The following TSPAN7 variants were observed in gnomAD, a reference collection of about 807,000 sequenced individuals.
The protein encoded by TSPAN7 is tetraspanin-7.
A neutral mutation model predicts 17.6 loss-of-function variants in TSPAN7; 1 was observed. The observed-to-expected ratio is 0.06, with a 90% confidence interval of 0.02 to 0.27. The LOEUF (loss-of-function observed/expected upper bound fraction) is 0.27. TSPAN7 is among the 10% of genes least tolerant of loss of function. The pLI, the probability that TSPAN7 is intolerant of heterozygous loss-of-function variation, is 1.00. For synonymous variants in TSPAN7, 78 were observed against 79.0 expected, an observed-to-expected ratio of 0.99 and a Z score of 0.07; for missense variants, 112 against 201.7, an observed-to-expected ratio of 0.56 and a Z score of 2.69.
intron 1 of TSPAN7, among the ~76,000 whole-genome samples, chrX:38,598,211 T>C (rs749084497): frequency 9.0e-6 from 1 of 111,530 alleles, no homozygotes; most frequent in Non-Finnish European, 1.9e-5. Flanking sequence ...TAACTGTTCT[T>C]ACCCATAGCC....
At position 38,687,547 on chromosome X, in the gene TSPAN7, G is replaced by A. The variant is rs941443169; in HGVS notation, c.682-52G>A. Reference sequence around the variant, plus strand: ...AAATTATTAATTAAATATTAAAAGGGTGTGGTTCGGTGACTTGAGATTCTC... The same window carrying A: ...AAATTATTAATTAAATATTAAAAGGATGTGGTTCGGTGACTTGAGATTCTC... On this transcript the variant is annotated intron_variant, in intron 6 of 7. Transcript: ENST00000378482. 2.6e-5 allele frequency: 28 copies of A among 1,071,613 alleles called. No homozygotes were observed. The African/African-American group carries it at 3.8e-4, about 15-fold the overall frequency. The allele number at this position is 1,071,613 out of a possible 1,213,427, so 88.3% of individuals were successfully genotyped here.
At chrX:38,569,777 T>C (rs1464516612) in intron 1 of TSPAN7, among the ~76,000 whole-genome samples, 1 of 111,433 alleles carries the variant, frequency 9.0e-6, no homozygotes, top group Non-Finnish European at 1.9e-5. Flanking sequence ...TTTTGGGAGA[T>C]AGCCAGGGTA....
intron 1 of TSPAN7, among the ~76,000 whole-genome samples, chrX:38,610,510 G>A (rs1279136761): frequency 3.6e-5 from 4 of 111,471 alleles, no homozygotes; most frequent in African/African-American, 1.3e-4. Context: ...ATCACCTGGG[G>A]AGCTTTCCAA....
chrX:38,685,267 T>C (rs1043433901), intron 6 of TSPAN7, among the ~76,000 whole-genome samples: 5 of 111,668 alleles, frequency 4.5e-5, no homozygotes, highest in Non-Finnish European at 9.4e-5. Context: ...TAACCTCTCA[T>C]AACCCTCAGT....
intron 1 of TSPAN7, among the ~76,000 whole-genome samples, chrX:38,644,101 C>T (rs188636623): frequency 4.1e-4 from 46 of 111,693 alleles, no homozygotes; most frequent in African/African-American, 1.5e-3. Context: ...CCCAAACTCC[C>T]TCTTCTTCTC....
chrX:38,561,555 G>C lies in TSPAN7; in HGVS notation c.9G>C (p.Ser3=), dbSNP rs758032272. 2.5e-6 allele frequency: 3 copies of C among 1,196,130 alleles called. No individual in the cohort carries two copies. The highest frequency in any genetic ancestry group is 2.3e-6 in the Non-Finnish European group (2 of 886,676). MA[S]RRMETKPVIT... ...CGCCGGAGCTCTGTAGTATGGCATC[G>C]AGGAGAATGGAGACCAAACCTGTGA... The change falls in exon 1 of 8, where the codon TCG becomes TCC. Residue 3 remains serine (S), a synonymous_variant. Transcript: ENST00000378482.
chrX:38,627,740 T>A (rs1299575339), intron 1 of TSPAN7, among the ~76,000 whole-genome samples: 1 of 113,089 alleles, frequency 8.8e-6, no homozygotes, highest in Non-Finnish European at 1.9e-5. Flanking sequence ...TTATCTCTAG[T>A]ATACTTTCAA....
chrX:38,604,504 T>C (rs2069365933), intron 1 of TSPAN7, among the ~76,000 whole-genome samples: 1 of 110,898 alleles, frequency 9.0e-6, no homozygotes, highest in South Asian at 3.8e-4. Context: ...GTAAAAGTGT[T>C]CCTATTTCTC....
At chrX:38,658,097 C>CTATTT (rs1379875942) in intron 1 of TSPAN7, among the ~76,000 whole-genome samples, 16 of 67,874 alleles carry the variant, frequency 2.4e-4, no homozygotes, top group Non-Finnish European at 1.4e-4. Context: ...TCTCAGTGGG[C>CTATTT]TGTACTGGGT....
intron 1 of TSPAN7, among the ~76,000 whole-genome samples, chrX:38,635,814 C>G (rs1160776686): frequency 9.0e-6 from 1 of 111,354 alleles, no homozygotes; most frequent in Non-Finnish European, 1.9e-5. Context: ...GACTCAAACG[C>G]AACTCTGTCT....
intron 1 of TSPAN7, among the ~76,000 whole-genome samples, chrX:38,596,827 T>C (rs745961101): frequency 1.5e-4 from 17 of 111,676 alleles, no homozygotes; most frequent in Admixed American, 1.5e-3. Flanking sequence ...TTTTCATTCT[T>C]TTTTTCTGAA....
At chrX:38,680,575 C>T (rs1185856407) in intron 5 of TSPAN7, among the ~76,000 whole-genome samples, 1 of 106,528 alleles carries the variant, frequency 9.4e-6, no homozygotes, top group African/African-American at 3.5e-5. Context: ...CTCTCTCTCT[C>T]TCTCTCTCTG....
intron 1 of TSPAN7, among the ~76,000 whole-genome samples, chrX:38,621,798 C>G (rs1271988351): frequency 8.9e-6 from 1 of 112,171 alleles, no homozygotes; most frequent in Non-Finnish European, 1.9e-5. Context: ...TAATTGCTGT[C>G]ACTTGCGTTT....
chrX:38,668,578 TATTTC>T (rs1301784754), intron 2 of TSPAN7, among the ~76,000 whole-genome samples: 2 of 112,277 alleles, frequency 1.8e-5, no homozygotes, highest in African/African-American at 6.5e-5. Context: ...TTCCCTGACT[TATTTC>T]ACTTAATCCT....
intron 1 of TSPAN7, among the ~76,000 whole-genome samples, chrX:38,575,647 G>A (rs940570645): frequency 3.1e-4 from 35 of 111,734 alleles, no homozygotes; most frequent in Non-Finnish European, 5.8e-4. Context: ...AAAATCCTAT[G>A]AGAAAATGTA....
At chrX:38,619,024 T>TA (rs1236929541) in intron 1 of TSPAN7, among the ~76,000 whole-genome samples, 9 of 111,908 alleles carry the variant, frequency 8.0e-5, no homozygotes, top group African/African-American at 2.6e-4. Flanking sequence ...CCTGAGATTA[T>TA]ATCTCAGGAC....
At chrX:38,657,117 ATTT>A (rs1217840900) in intron 1 of TSPAN7, among the ~76,000 whole-genome samples, 2 of 111,216 alleles carry the variant, frequency 1.8e-5, no homozygotes, top group African/African-American at 6.5e-5. Flanking sequence ...AGGGCTGACC[ATTT>A]TTTTCTCTTT....
chrX:38,589,659 TTTATA>T (rs772969765), intron 1 of TSPAN7, among the ~76,000 whole-genome samples: 65 of 112,181 alleles, frequency 5.8e-4, no homozygotes, highest in Admixed American at 1.8e-3. Flanking sequence ...ATATATACCT[TTTATA>T]TTATAAGGTG....
intron 1 of TSPAN7, among the ~76,000 whole-genome samples, chrX:38,565,216 C>G (rs916186720): frequency 9.0e-6 from 1 of 111,253 alleles, no homozygotes; most frequent in African/African-American, 3.3e-5. Context: ...GATGACCTTA[C>G]TGGTCTTGTT....
Sources: gnomAD v4.1 joint callset for allele counts (sites outside exome capture counted in the v4.1 genomes callset) on GRCh38, gnomAD v4.1.1 for gene constraint, MANE v1.5 for transcripts, NCBI Gene and HGNC (gene_info 2026-07-23, HGNC 2026-07-21) for gene names.